Variants in NAV2 observed in about 807,000 individuals in gnomAD.
NAV2 encodes the protein neuron navigator 2.
A neutral mutation model predicts 223.2 loss-of-function variants in NAV2; 54 were observed. The observed-to-expected ratio is 0.24, with a 90% CI of 0.19 to 0.30. The LOEUF (loss-of-function observed/expected upper bound fraction) is 0.30, where lower values mean the gene tolerates loss of function less well. Ranked by LOEUF, NAV2 falls within the 10% of genes least tolerant of loss-of-function variation. NAV2 has a pLI of 1.00. For synonymous variants in NAV2, 1,279 were observed against 1,239.3 expected (o/e 1.03, Z -0.67); for missense variants, 2,806 against 3,147.5 (o/e 0.89, Z 2.60).
At chr11:19,881,897 C>T (rs2063235512) in intron 5 of NAV2, among the ~76,000 whole-genome samples, 1 of 152,062 alleles carries the variant, frequency 6.6e-6, no homozygotes, top group Non-Finnish European at 1.5e-5. Flanking sequence ...GTTATTATAG[C>T]TTAGTAGGGG....
chr11:19,879,940 C>T lies in NAV2; in HGVS notation c.583C>T (p.Gln195Ter). 2 of 1,613,620 alleles carry T rather than the reference C, an allele frequency of 1.2e-6. No individual in the cohort carries two copies. The highest frequency in any genetic ancestry group is 1.7e-6 in the Non-Finnish European group (2 of 1,180,026). Residue 195 changes from glutamine to a stop codon, truncating the protein, a stop_gained, in exon 5 of 38, where the codon CAG becomes TAG. Coordinates refer to ENST00000349880, the MANE Select transcript of NAV2 (RefSeq NM_145117.5). LOFTEE classifies it high-confidence loss of function. ...CCTCTCCCGATACAAGCAGCAGCAG[C>T]AGCAGCCCCAGAAGCAGCACCTCTC... The part of the protein sequence containing the change: ...FSLSRYKQQQ[Q>*]QPQKQHLSSP...
chr11:19,871,327 T>C (rs1433776393), intron 4 of NAV2, among the ~76,000 whole-genome samples: 1 of 152,154 alleles, frequency 6.6e-6, no homozygotes, highest in Non-Finnish European at 1.5e-5. Context: ...TTACCCTCAT[T>C]CCTTCCAGTG....
At chr11:19,510,460 A>T (rs2043244039) in intron 1 of NAV2, among the ~76,000 whole-genome samples, 7 of 152,198 alleles carry the variant, frequency 4.6e-5, no homozygotes, top group Admixed American at 4.6e-4. Flanking sequence ...GCTGCAATTC[A>T]TTGTTTATCA....
At chr11:19,617,441 G>T (rs988707725) in intron 1 of NAV2, among the ~76,000 whole-genome samples, 1 of 152,128 alleles carries the variant, frequency 6.6e-6, no homozygotes, top group African/African-American at 2.4e-5. Flanking sequence ...GTAATGGGGG[G>T]ATAACAGGCT....
chr11:19,914,064 T>C (rs1282542540), intron 6 of NAV2, among the ~76,000 whole-genome samples: 1 of 152,242 alleles, frequency 6.6e-6, no homozygotes, highest in African/African-American at 2.4e-5. Flanking sequence ...GCAAGCCTGT[T>C]GATGTCATGC....
intron 1 of NAV2, chr11:19,714,276 G>A (rs1299965872): frequency 1.7e-6 from 1 of 590,158 alleles, no homozygotes; most frequent in Non-Finnish European, 3.2e-6. Flanking sequence ...GAAATGTGAG[G>A]TCCTGCATGT....
At chr11:20,000,268 A>G (rs1357568327) in intron 11 of NAV2, among the ~76,000 whole-genome samples, 1 of 152,244 alleles carries the variant, frequency 6.6e-6, no homozygotes, top group Non-Finnish European at 1.5e-5. Flanking sequence ...TAAAATCCCC[A>G]GCAAAGGTCT....
chr11:19,716,199 C>G (rs147861114), intron 1 of NAV2, among the ~76,000 whole-genome samples: 4 of 152,158 alleles, frequency 2.6e-5, no homozygotes, highest in African/African-American at 9.6e-5. Flanking sequence ...CTCTTGGGGC[C>G]CCTGACTCCC....
chr11:20,064,199 G>T (rs1337314206), intron 20 of NAV2, among the ~76,000 whole-genome samples: 2 of 152,192 alleles, frequency 1.3e-5, no homozygotes, highest in Non-Finnish European at 2.9e-5. Context: ...CTTCTAGAAT[G>T]AAACTGTGGG....
chr11:19,620,409 A>G (rs1197561436), intron 1 of NAV2, among the ~76,000 whole-genome samples: 3 of 152,164 alleles, frequency 2.0e-5, no homozygotes, highest in South Asian at 2.1e-4. Context: ...TTGTTCTTCC[A>G]TTTGTTTGTG....
intron 1 of NAV2, among the ~76,000 whole-genome samples, chr11:19,761,602 C>T (rs2054742325): frequency 6.6e-6 from 1 of 152,194 alleles, no homozygotes; most frequent in Non-Finnish European, 1.5e-5. Flanking sequence ...GCCAGTGTCA[C>T]TGCAGCCTCA....
intron 1 of NAV2, among the ~76,000 whole-genome samples, chr11:19,418,281 T>C (rs770861125): frequency 1.3e-5 from 2 of 152,206 alleles, no homozygotes; most frequent in Non-Finnish European, 2.9e-5. Context: ...GAGTGAGCTA[T>C]GAACAAGTTC....
At chr11:19,823,577 G>A (rs1406801266) in intron 1 of NAV2, among the ~76,000 whole-genome samples, 1 of 152,150 alleles carries the variant, frequency 6.6e-6, no homozygotes, top group Non-Finnish European at 1.5e-5. Flanking sequence ...CTGGGCTCAA[G>A]CAATCTGACT....
chr11:20,043,072 G>A (rs1247800417), intron 12 of NAV2, among the ~76,000 whole-genome samples: 1 of 152,190 alleles, frequency 6.6e-6, no homozygotes. Context: ...GCTGGGGTCG[G>A]AGCAGGCATC....
intron 1 of NAV2, among the ~76,000 whole-genome samples, chr11:19,591,547 G>T (rs951813603): frequency 5.9e-5 from 9 of 152,142 alleles, no homozygotes; most frequent in Non-Finnish European, 8.8e-5. Context: ...TATGTGAACT[G>T]CTTCAAGCTG....
chr11:19,749,243 G>C (rs2053608517), intron 1 of NAV2, among the ~76,000 whole-genome samples: 1 of 152,136 alleles, frequency 6.6e-6, no homozygotes, highest in South Asian at 2.1e-4. Flanking sequence ...TTAGGCCTGG[G>C]ACTCACTGCG....
chr11:19,630,351 A>G (rs534171076), intron 1 of NAV2, among the ~76,000 whole-genome samples: 23 of 152,314 alleles, frequency 1.5e-4, no homozygotes, highest in Non-Finnish European at 2.2e-4. Context: ...TGACACTGAG[A>G]AGGTCATTTA....
chr11:19,942,115 A>C (rs1178011872), intron 8 of NAV2, among the ~76,000 whole-genome samples: 4 of 152,196 alleles, frequency 2.6e-5, no homozygotes, highest in Admixed American at 2.6e-4. Context: ...AGACCTCTCC[A>C]TATCTGTGAG....
chr11:19,445,411 G>A (rs1404178781), intron 1 of NAV2, among the ~76,000 whole-genome samples: 2 of 152,166 alleles, frequency 1.3e-5, no homozygotes, highest in Non-Finnish European at 2.9e-5. Flanking sequence ...CACCAGGCAT[G>A]GGACTAGGCA....
Sources: gnomAD v4.1 joint callset for allele counts (sites outside exome capture counted in the v4.1 genomes callset) on GRCh38, gnomAD v4.1.1 for gene constraint, MANE v1.5 for transcripts, NCBI Gene and HGNC (gene_info 2026-07-23, HGNC 2026-07-21) for gene names.